FIRRM: variants seen among roughly 807,000 people sequenced by gnomAD.
FIRRM encodes the protein FIGNL1-interacting regulator of recombination and mitosis.
At chr1:169,847,648 C>G in the FIRRM span, 2 of 1,356,504 alleles carry the variant, frequency 1.5e-6, no homozygotes, top group Non-Finnish European at 2.1e-6. Flanking sequence ...GTACAAAATA[C>G]TGGTATTATT....
the FIRRM span, among the ~76,000 whole-genome samples, chr1:169,806,289 A>T: frequency 6.6e-6 from 1 of 152,028 alleles, no homozygotes; most frequent in African/African-American, 2.4e-5. Context: ...CTCTAAAATT[A>T]AAAAAAATGT....
chr1:169,795,001 G>T, the FIRRM span: 1 of 904,936 alleles, frequency 1.1e-6, no homozygotes, highest in South Asian at 1.5e-5. Context: ...TCCTCTCTAT[G>T]GTTTTGGAGC....
chr1:169,849,838 A>G, the FIRRM span: 2 of 528,222 alleles, frequency 3.8e-6, no homozygotes, highest in South Asian at 4.5e-5. Context: ...CATACACAGC[A>G]GGCCTACTGA....
chr1:169,815,568 A>C, the FIRRM span, among the ~76,000 whole-genome samples: 5 of 152,260 alleles, frequency 3.3e-5, no homozygotes, highest in South Asian at 8.3e-4. Flanking sequence ...ATGCATTATA[A>C]TTAGTGTATA....
chr1:169,810,594 A>C, the FIRRM span, among the ~76,000 whole-genome samples: 2 of 152,108 alleles, frequency 1.3e-5, no homozygotes, highest in African/African-American at 4.8e-5. Flanking sequence ...GGCATACCTT[A>C]CTTTAATATG....
At chr1:169,795,849 G>GT in the FIRRM span, 1 of 832,852 alleles carries the variant, frequency 1.2e-6, no homozygotes, top group Non-Finnish European at 1.3e-6. Context: ...TTCTGAAAGA[G>GT]TTCTTCCGCT....
the FIRRM span, chr1:169,850,369 T>C: frequency 6.7e-7 from 1 of 1,500,204 alleles, no homozygotes; most frequent in South Asian, 1.2e-5. Context: ...ATGGCTCATG[T>C]TTTATTCTTT....
chr1:169,847,515 G>T, the FIRRM span, among the ~76,000 whole-genome samples: 1 of 152,058 alleles, frequency 6.6e-6, no homozygotes, highest in African/African-American at 2.4e-5. Context: ...CTTGTTCATA[G>T]GATTGTCTTA....
the FIRRM span, among the ~76,000 whole-genome samples, chr1:169,846,104 G>A: frequency 2.6e-5 from 4 of 152,136 alleles, no homozygotes; most frequent in Admixed American, 6.5e-5. Context: ...CTCCTTATAC[G>A]TCTCCTTCAG....
At chr1:169,821,636 TTTTCTTATTTATTATGC>T in the FIRRM span, 337 of 1,404,152 alleles carry the variant, frequency 2.4e-4, 2 homozygotes, top group East Asian at 7.5e-3. Context: ...TTTTATATTC[TTTTCTTATTTATTATGC>T]TTTCTTATTT....
At chr1:169,847,385 G>C in the FIRRM span, among the ~76,000 whole-genome samples, 1 of 145,052 alleles carries the variant, frequency 6.9e-6, no homozygotes, top group Non-Finnish European at 1.5e-5. Flanking sequence ...ATAAAATACT[G>C]TTTGTACAAA....
chr1:169,796,761 C>A, the FIRRM span, among the ~76,000 whole-genome samples: 1 of 152,140 alleles, frequency 6.6e-6, no homozygotes. Context: ...AAGCCTTGCC[C>A]TTCTCTCATA....
At chr1:169,799,251 A>G in the FIRRM span, among the ~76,000 whole-genome samples, 1 of 152,246 alleles carries the variant, frequency 6.6e-6, no homozygotes, top group Non-Finnish European at 1.5e-5. Context: ...TATATAAAAC[A>G]TGATATGCAG....
the FIRRM span, chr1:169,804,210 G>T: frequency 1.2e-4 from 186 of 1,569,464 alleles, no homozygotes; most frequent in African/African-American, 2.4e-3. Flanking sequence ...TTTAGTAGAT[G>T]ACAATGATGA....
At chr1:169,832,313 C>A in the FIRRM span, 1 of 706,100 alleles carries the variant, frequency 1.4e-6, no homozygotes, top group Non-Finnish European at 2.5e-6. Flanking sequence ...ACAATCTTTT[C>A]CCCTAGAAAG....
At chr1:169,793,742 CT>C in the FIRRM span, 5 of 1,505,556 alleles carry the variant, frequency 3.3e-6, no homozygotes, top group South Asian at 4.1e-5. Flanking sequence ...TCTTCAACTT[CT>C]GGATAGAATT....
chr1:169,811,779 A>AGATTATCTAGATG, the FIRRM span, among the ~76,000 whole-genome samples: 1 of 151,656 alleles, frequency 6.6e-6, no homozygotes, highest in Non-Finnish European at 1.5e-5. Context: ...TTATCTAAAT[A>AGATTATCTAGATG]GATAATAGAC....
chr1:169,840,440 T>A, the FIRRM span, among the ~76,000 whole-genome samples: 1 of 152,188 alleles, frequency 6.6e-6, no homozygotes, highest in Non-Finnish European at 1.5e-5. Flanking sequence ...ATCTTTCACC[T>A]CCTTGGTTAA....
At chr1:169,824,158 GA>G in the FIRRM span, among the ~76,000 whole-genome samples, 9,876 of 152,142 alleles carry the variant, frequency 0.065, 426 homozygotes, top group Non-Finnish European at 0.099. Context: ...TGTCACTGAG[GA>G]AAAATGGAAG....
Sources: gnomAD v4.1 joint callset for allele counts (sites outside exome capture counted in the v4.1 genomes callset) on GRCh38, gnomAD v4.1.1 for gene constraint, MANE v1.5 for transcripts, NCBI Gene and HGNC (gene_info 2026-07-23, HGNC 2026-07-21) for gene names.